Variants in RUNX2 observed in about 807,000 individuals in gnomAD.
The protein encoded by RUNX2 is runt-related transcription factor 2.
RUNX2 carries 10 observed loss-of-function variants against 51.7 expected under a neutral mutation model. The observed-to-expected ratio is 0.19, with a 90% CI of 0.12 to 0.33. The LOEUF is 0.33. RUNX2 is among the 10% of genes least tolerant of loss of function. The probability of loss-of-function intolerance (pLI) is 1.00; values close to 1 mark genes in which losing one functional copy is unlikely to be tolerated. For synonymous variants in RUNX2, 276 were observed against 273.6 expected (o/e 1.01, Z -0.09); for missense variants, 562 against 691.3 (o/e 0.81, Z 2.10).
At chr6:45,521,820 A>G (rs1327706750) in intron 7 of RUNX2, among the ~76,000 whole-genome samples, 2 of 152,182 alleles carry the variant, frequency 1.3e-5, no homozygotes, top group Non-Finnish European at 2.9e-5. Context: ...CCTCGTACCC[A>G]GAACCAAACT....
chr6:45,404,110 A>C (rs1797778575), intron 2 of RUNX2, among the ~76,000 whole-genome samples: 1 of 151,880 alleles, frequency 6.6e-6, no homozygotes, highest in Non-Finnish European at 1.5e-5. Context: ...AAATACAAAA[A>C]TTAGCCGGGT....
At chr6:45,378,117 G>A (rs910575082) in intron 2 of RUNX2, among the ~76,000 whole-genome samples, 14 of 152,216 alleles carry the variant, frequency 9.2e-5, no homozygotes, top group African/African-American at 3.4e-4. Context: ...CGCTCGCCGG[G>A]GGCGGGGCGT....
At chr6:45,473,787 C>A (rs1799875017) in intron 5 of RUNX2, among the ~76,000 whole-genome samples, 1 of 152,186 alleles carries the variant, frequency 6.6e-6, no homozygotes, top group Admixed American at 6.5e-5. Context: ...GATGTTATTA[C>A]AGGGCCACTT....
intron 3 of RUNX2, among the ~76,000 whole-genome samples, chr6:45,428,988 A>G (rs780942115): frequency 6.6e-6 from 1 of 152,186 alleles, no homozygotes; most frequent in Admixed American, 6.5e-5. Context: ...GCTTATAAGT[A>G]AAAGCCTATG....
chr6:45,346,776 A>T (rs1401255487), intron 2 of RUNX2, among the ~76,000 whole-genome samples: 1 of 152,094 alleles, frequency 6.6e-6, no homozygotes, highest in Non-Finnish European at 1.5e-5. Flanking sequence ...CATGTTGGTC[A>T]GGCTGGTCTC....
chr6:45,405,971 A>G (rs1563071956), intron 2 of RUNX2, among the ~76,000 whole-genome samples: 1 of 152,192 alleles, frequency 6.6e-6, no homozygotes, highest in Non-Finnish European at 1.5e-5. Context: ...CCTATTTCAT[A>G]CAGTTGTTGT....
At chr6:45,461,553 T>C (rs80324544) in intron 5 of RUNX2, among the ~76,000 whole-genome samples, 4 of 152,172 alleles carry the variant, frequency 2.6e-5, no homozygotes, top group African/African-American at 7.2e-5. Context: ...AAGGAAGGAA[T>C]GTCTTAAGAT....
chr6:45,407,684 A>G (rs1355030850), intron 2 of RUNX2, among the ~76,000 whole-genome samples: 2 of 151,778 alleles, frequency 1.3e-5, no homozygotes, highest in Non-Finnish European at 2.9e-5. Context: ...CTTTTTGTAG[A>G]GACAGAGGTC....
At chr6:45,463,261 C>G (rs1799525940) in intron 5 of RUNX2, among the ~76,000 whole-genome samples, 1 of 152,164 alleles carries the variant, frequency 6.6e-6, no homozygotes, top group African/African-American at 2.4e-5. Context: ...GAAATAAAAT[C>G]TTTCCATACA....
chr6:45,362,034 C>T (rs1314566390), intron 2 of RUNX2, among the ~76,000 whole-genome samples: 1 of 152,136 alleles, frequency 6.6e-6, no homozygotes, highest in African/African-American at 2.4e-5. Context: ...GCCTGGGCAA[C>T]AAAGCTAGAT....
intron 5 of RUNX2, among the ~76,000 whole-genome samples, chr6:45,458,286 C>CAA (rs1485367342): frequency 3.3e-5 from 5 of 152,112 alleles, no homozygotes; most frequent in Non-Finnish European, 7.4e-5. Context: ...CTCAGCCTCC[C>CAA]AAAGTGCTGG....
intron 2 of RUNX2, among the ~76,000 whole-genome samples, chr6:45,339,369 T>C (rs778400653): frequency 1.3e-5 from 2 of 152,186 alleles, no homozygotes; most frequent in Non-Finnish European, 2.9e-5. Context: ...TGTGAGCCAA[T>C]AGATAGCCAA....
At chr6:45,501,222 T>C (rs968677252) in intron 6 of RUNX2, among the ~76,000 whole-genome samples, 5 of 152,200 alleles carry the variant, frequency 3.3e-5, no homozygotes, top group African/African-American at 1.2e-4. Flanking sequence ...CTACTAATAT[T>C]CTGTTAATAT....
At position 45,401,818 on chromosome 6, in the gene RUNX2, A is replaced by G. The variant is rs147625191; in HGVS notation, c.59-20775A>G. Among the ~76,000 whole-genome samples the G allele has an allele frequency of 1.1e-4, 16 of 152,338 alleles. No individual in the cohort carries two copies. The East Asian group carries it at 3.1e-3, about 29-fold the overall frequency. ...GCCTCTCTTCTCCTACCCCAGCTGC[A>G]GCCTTAGTGGCAGTTCAGATGGTTC... On this transcript the variant is annotated intron_variant, in intron 2 of 8. Coordinates refer to ENST00000647337, the MANE Select transcript of RUNX2 (RefSeq NM_001024630.4).
At chr6:45,433,335 T>A (rs1263236108) in intron 4 of RUNX2, among the ~76,000 whole-genome samples, 1 of 152,186 alleles carries the variant, frequency 6.6e-6, no homozygotes. Context: ...GGAGTATGTG[T>A]GTGTGTGTAT....
At chr6:45,439,301 TG>T (rs1387159364) in intron 5 of RUNX2, among the ~76,000 whole-genome samples, 2 of 152,186 alleles carry the variant, frequency 1.3e-5, no homozygotes, top group African/African-American at 2.4e-5. Context: ...CTGTTCAGTT[TG>T]GGAATGTCCT....
intron 2 of RUNX2, chr6:45,365,220 T>C (rs199710543): frequency 5.0e-6 from 8 of 1,610,220 alleles, no homozygotes; most frequent in Non-Finnish European, 5.9e-6. Flanking sequence ...TGTAATTCTG[T>C]TGCAAAGCTT....
chr6:45,454,771 C>T (rs1367253130), intron 5 of RUNX2, among the ~76,000 whole-genome samples: 1 of 152,078 alleles, frequency 6.6e-6, no homozygotes, highest in Non-Finnish European at 1.5e-5. Context: ...ATTCCTGGTG[C>T]TATTTGGTCA....
At chr6:45,348,375 A>G (rs1332405515) in intron 2 of RUNX2, among the ~76,000 whole-genome samples, 1 of 151,816 alleles carries the variant, frequency 6.6e-6, no homozygotes, top group African/African-American at 2.4e-5. Flanking sequence ...TTAATCTAAA[A>G]TTTGGCAATA....
Sources: allele counts gnomAD v4.1 joint callset (sites outside exome capture counted in the v4.1 genomes callset), GRCh38; gene constraint gnomAD v4.1.1; transcripts MANE v1.5; gene names NCBI Gene and HGNC (gene_info 2026-07-23, HGNC 2026-07-21).